Variants in CAMK1D observed in about 807,000 individuals in gnomAD.
CAMK1D encodes the protein calcium/calmodulin-dependent protein kinase type 1D.
CAMK1D carries 9 observed loss-of-function variants against 47.7 expected under a neutral mutation model. That is an observed-to-expected ratio of 0.19 (90% CI 0.11 to 0.33). CAMK1D has a LOEUF of 0.33. Among genes scored for constraint, CAMK1D ranks in the 10% least tolerant of loss-of-function variants. The probability of loss-of-function intolerance (pLI) is 1.00; values close to 1 mark genes in which losing one functional copy is unlikely to be tolerated. For synonymous variants in CAMK1D, 184 were observed against 184.9 expected, an observed-to-expected ratio of 0.99 and a Z score of 0.04; for missense variants, 291 against 488.7, an observed-to-expected ratio of 0.60 and a Z score of 3.81.
At chr10:12,558,688 GC>G (rs1353952307) in intron 2 of CAMK1D, among the ~76,000 whole-genome samples, 26 of 152,226 alleles carry the variant, frequency 1.7e-4, no homozygotes, top group African/African-American at 6.3e-4. Context: ...GAAAGTGGGG[GC>G]TGAGAGAAGC....
At chr10:12,828,006 C>G (rs1029543296) in intron 10 of CAMK1D, among the ~76,000 whole-genome samples, 4 of 152,184 alleles carry the variant, frequency 2.6e-5, no homozygotes, top group African/African-American at 9.6e-5. Context: ...TCACAAAATG[C>G]TTTCTAGCCA....
chr10:12,615,057 G>T (rs1207359891), intron 2 of CAMK1D, among the ~76,000 whole-genome samples: 1 of 152,318 alleles, frequency 6.6e-6, no homozygotes, highest in Middle Eastern at 3.4e-3. Flanking sequence ...GGAGCTGGAG[G>T]ACTGATAATC....
At chr10:12,694,001 T>G (rs1160093108) in intron 3 of CAMK1D, among the ~76,000 whole-genome samples, 1 of 76,634 alleles carries the variant, frequency 1.3e-5, no homozygotes, top group East Asian at 4.0e-4. Context: ...ATATAATATA[T>G]ATAATATATA....
chr10:12,366,152 C>G (rs1837828707), intron 1 of CAMK1D, among the ~76,000 whole-genome samples: 1 of 152,230 alleles, frequency 6.6e-6, no homozygotes, highest in East Asian at 1.9e-4. Context: ...GAAGTTGGGT[C>G]ATATGTTGAT....
intron 2 of CAMK1D, among the ~76,000 whole-genome samples, chr10:12,650,057 T>A (rs1311609394): frequency 6.6e-6 from 1 of 152,222 alleles, no homozygotes; most frequent in Non-Finnish European, 1.5e-5. Context: ...ACTTTTTAGT[T>A]CCTTTAGGAT....
At chr10:12,349,977 T>TGCC (rs1280544758) in intron 1 of CAMK1D, 67 bp downstream of exon 1, 9 of 816,462 alleles carry the variant, frequency 1.1e-5, no homozygotes, top group Non-Finnish European at 1.6e-5. Flanking sequence ...CAGCTCCAGC[T>TGCC]GCCGCCGCCG....
intron 1 of CAMK1D, among the ~76,000 whole-genome samples, chr10:12,496,795 G>A (rs1340590367): frequency 1.3e-5 from 2 of 152,142 alleles, no homozygotes; most frequent in African/African-American, 2.4e-5. Flanking sequence ...ATAGGGAAAC[G>A]TGTGCCATGG....
At chr10:12,580,778 A>G (rs1260875980) in intron 2 of CAMK1D, among the ~76,000 whole-genome samples, 1 of 152,156 alleles carries the variant, frequency 6.6e-6, no homozygotes, top group Non-Finnish European at 1.5e-5. Flanking sequence ...AAATGTGTGT[A>G]TTGTTTTGAA....
At chr10:12,651,649 G>A (rs999975501) in intron 2 of CAMK1D, among the ~76,000 whole-genome samples, 15 of 152,032 alleles carry the variant, frequency 9.9e-5, no homozygotes, top group African/African-American at 1.5e-4. Context: ...TGATCCTCCC[G>A]CCTTGGCCTC....
At chr10:12,733,903 G>A (rs375415026) in intron 3 of CAMK1D, among the ~76,000 whole-genome samples, 4 of 152,036 alleles carry the variant, frequency 2.6e-5, no homozygotes, top group South Asian at 2.1e-4. Flanking sequence ...TTATTTAACC[G>A]TTCTTGAAGG....
At chr10:12,470,502 CTTCTTCTTT>C (rs1436559739) in intron 1 of CAMK1D, among the ~76,000 whole-genome samples, 3 of 149,442 alleles carry the variant, frequency 2.0e-5, no homozygotes, top group South Asian at 4.2e-4. Context: ...TATGCTTCTT[CTTCTTCTTT>C]TTCTTCTTCT....
At chr10:12,454,710 G>A (rs1390225007) in intron 1 of CAMK1D, among the ~76,000 whole-genome samples, 1 of 152,146 alleles carries the variant, frequency 6.6e-6, no homozygotes, top group Non-Finnish European at 1.5e-5. Flanking sequence ...TGATCCTCCT[G>A]CCTCAGCCCC....
chr10:12,687,173 C>T (rs931606562), intron 3 of CAMK1D, among the ~76,000 whole-genome samples: 7 of 151,944 alleles, frequency 4.6e-5, no homozygotes, highest in Admixed American at 6.6e-5. Flanking sequence ...TATCAGCCTT[C>T]GTACTGAGCC....
chr10:12,524,871 C>A (rs10906160), intron 1 of CAMK1D, among the ~76,000 whole-genome samples: 78,579 of 152,086 alleles, frequency 0.52, 20,504 homozygotes, highest in South Asian at 0.62. Context: ...ATTTTCCTTC[C>A]ACCTGAAGCA....
chr10:12,564,311 C>G (rs531479008), intron 2 of CAMK1D, among the ~76,000 whole-genome samples: 1 of 151,884 alleles, frequency 6.6e-6, no homozygotes, highest in Non-Finnish European at 1.5e-5. Flanking sequence ...ACCAAAGATT[C>G]AATTTTTTTT....
At chr10:12,821,926 A>T (rs1833027380) in intron 8 of CAMK1D, among the ~76,000 whole-genome samples, 1 of 152,178 alleles carries the variant, frequency 6.6e-6, no homozygotes. Context: ...GTGAGTCGAG[A>T]TCGCACCACT....
intron 3 of CAMK1D, among the ~76,000 whole-genome samples, chr10:12,722,262 A>G (rs564104813): frequency 4.0e-5 from 6 of 151,888 alleles, no homozygotes; most frequent in Admixed American, 2.6e-4. Flanking sequence ...GGGATAACAC[A>G]GTGAAACCCC....
intron 1 of CAMK1D, among the ~76,000 whole-genome samples, chr10:12,501,453 C>T (rs574956849): frequency 1.3e-5 from 2 of 152,320 alleles, no homozygotes; most frequent in African/African-American, 4.8e-5. Flanking sequence ...GCCGGATTGC[C>T]ATGTCATGGG....
In CAMK1D at chr10:12,829,168, C is replaced by T. The variant is rs1644394; in HGVS notation, c.*281C>T. On this transcript the variant is annotated 3_prime_UTR_variant, in exon 11 of 11. Transcript: ENST00000619168. Reference sequence around the variant, plus strand: ...CTGAACGGACCTTCTTATTCCTCTCCCCTAACACCATCGTTTCCACTCTTC... The same window carrying T: ...CTGAACGGACCTTCTTATTCCTCTCTCCTAACACCATCGTTTCCACTCTTC... 84,551 of 312,506 alleles carry T rather than the reference C, an allele frequency of 0.27. 11,985 individuals carry two copies. The highest frequency in any genetic ancestry group is 0.4 in the South Asian group (5,942 of 14,672). The allele number at this position is 312,506 out of a possible 1,614,324, so 19.4% of individuals were successfully genotyped here.
Sources: allele counts gnomAD v4.1 joint callset (sites outside exome capture counted in the v4.1 genomes callset), GRCh38; gene constraint gnomAD v4.1.1; transcripts MANE v1.5; gene names NCBI Gene and HGNC (gene_info 2026-07-23, HGNC 2026-07-21).